Variants in ABCA8 observed in about 807,000 individuals in gnomAD.
ABCA8 encodes the protein ABC-type organic anion transporter ABCA8.
A neutral mutation model predicts 192.3 loss-of-function variants in ABCA8; 177 were observed. That is an observed-to-expected ratio of 0.92 (90% confidence interval 0.81 to 1.04). ABCA8 has a LOEUF of 1.04. ABCA8 is among the 50% of genes least tolerant of loss of function. ABCA8 has a pLI of 0.00. For synonymous variants in ABCA8, 642 were observed against 690.2 expected, an observed-to-expected ratio of 0.93 and a Z score of 1.09; for missense variants, 1,915 against 1,904.8, an observed-to-expected ratio of 1.01 and a Z score of -0.10.
chr17:68,884,567 A>G (rs1316952441), intron 27 of ABCA8, 171 bp from the exon 28 acceptor site: 3 of 1,314,996 alleles, frequency 2.3e-6, no homozygotes, highest in Non-Finnish European at 2.9e-6. Context: ...CCCAAGGTCT[A>G]TGAGCTTTTG....
At chr17:68,895,488 A>T (rs2066727647) in intron 21 of ABCA8, among the ~76,000 whole-genome samples, 2 of 152,210 alleles carry the variant, frequency 1.3e-5, no homozygotes, top group Admixed American at 1.3e-4. Context: ...AAACCAACAA[A>T]TTAAAATGTT....
In ABCA8 at chr17:68,924,716, C is replaced by T. The variant is rs147273004; in HGVS notation, c.1427G>A (p.Gly476Glu). The change falls in exon 11 of 40, where the codon GGG becomes GAG. Residue 476 changes from glycine to glutamate, a missense_variant. By Grantham distance (98) the Gly-to-Glu change is moderately conservative. Coordinates refer to ENST00000586539, the MANE Select transcript of ABCA8 (RefSeq NM_001288985.2). ...GCCTTATTACCTGATGGCTTCTTTC[C>T]CTTGGAATTCTGGAGGCGCTTGTTC... Reference protein sequence around the residue: ...SFEQAPPEFQGKEAIRIRNVT... With the variant: ...SFEQAPPEFQEKEAIRIRNVT... 2.1e-5 allele frequency: 34 copies of T among 1,613,118 alleles called. No individual in the cohort carries two copies. The African/African-American group carries it at 4.1e-4, about 20-fold the overall frequency.
intron 1 of ABCA8, among the ~76,000 whole-genome samples, chr17:68,953,736 G>A (rs550793588): frequency 6.5e-4 from 99 of 151,822 alleles, no homozygotes; most frequent in Middle Eastern, 3.4e-3. Flanking sequence ...ATCACACTCC[G>A]TATACAGACA....
At chr17:68,887,164 T>C (rs549987768) in intron 25 of ABCA8, 34 bp from the exon 26 acceptor site, 15 of 1,487,538 alleles carry the variant, frequency 1.0e-5, no homozygotes, top group Admixed American at 2.0e-5. Flanking sequence ...CTTAGTTAAA[T>C]ACAAATGCAA....
At chr17:68,944,499 AG>A (rs1225043318) in intron 2 of ABCA8, 1 of 151,568 alleles carries the variant, frequency 6.6e-6, no homozygotes, top group Non-Finnish European at 1.5e-5. Context: ...AATCCCTGTC[AG>A]CCCCACAAAA....
At chr17:68,875,439 A>G (rs548509667) in intron 36 of ABCA8, 39 bp from the exon 37 acceptor site, 29 of 1,611,088 alleles carry the variant, frequency 1.8e-5, no homozygotes, top group Non-Finnish European at 2.4e-5. Flanking sequence ...GAAAAAAAAA[A>G]CCATTCAGTA....
rs775600869 is a variant in ABCA8, at chr17:68,932,374, A to C, written c.711T>G (p.Ile237Met). 15 of 1,613,980 alleles carry C rather than the reference A, an allele frequency of 9.3e-6. No homozygotes were observed. The highest frequency in any genetic ancestry group is 5.0e-5 in the Admixed American group (3 of 60,010). The change falls in exon 7 of 40, where the codon ATT (isoleucine) becomes ATG (methionine). Residue 237 changes from isoleucine (I) to methionine (M), a missense_variant. Coordinates refer to ENST00000586539, the MANE Select transcript of ABCA8 (RefSeq NM_001288985.2). The stretch of plus-strand genomic sequence containing the variant: ...TTGTGACATTAACAGATGCATAGTA[A>C]ATGAATGAGGAAAATGAAATAATGC... ...FSCIISFSSF[I>M]YYASVNVTRE...
rs2067800173 is a variant in ABCA8, at chr17:68,929,542, A to G, written c.939+19T>C. 2 of 1,606,408 alleles carry G rather than the reference A, an allele frequency of 1.2e-6. No homozygotes were observed. Among genetic ancestry groups the G allele is most frequent in the African/African-American group, 1.3e-5 (1 of 74,416 alleles). On this transcript the variant is annotated intron_variant, in intron 8 of 39. Transcript: ENST00000586539. ...TTAGGCTATAGGTGGATGGAAAGAT[A>G]TTTAATTCACTAACTCACCAAAGAT...
intron 37 of ABCA8, among the ~76,000 whole-genome samples, chr17:68,871,178 C>T (rs1010282598): frequency 6.6e-6 from 1 of 152,088 alleles, no homozygotes; most frequent in African/African-American, 2.4e-5. Context: ...TGTGTCATAA[C>T]TTGGCAGATG....
chr17:68,920,116 T>A (rs923274713), intron 13 of ABCA8: 8 of 152,178 alleles, frequency 5.3e-5, no homozygotes, highest in Non-Finnish European at 8.8e-5. Flanking sequence ...TGGGTGGAGC[T>A]AGAGGCTATC....
At chr17:68,885,916 A>T (rs2066448553) in intron 26 of ABCA8, among the ~76,000 whole-genome samples, 1 of 152,224 alleles carries the variant, frequency 6.6e-6, no homozygotes, top group Admixed American at 6.5e-5. Flanking sequence ...CAAAAATCAA[A>T]GAAAACATTG....
chr17:68,894,195 G>C lies in ABCA8; in HGVS notation c.3014C>G (p.Thr1005Ser). 6.2e-7 allele frequency: 1 copy of C among 1,613,252 alleles called. No individual in the cohort carries two copies. The highest frequency in any genetic ancestry group is 8.5e-7 in the Non-Finnish European group (1 of 1,179,634). The change falls in exon 23 of 40, where the codon ACT becomes AGT. Residue 1005 changes from threonine to serine, a missense_variant. Thr to Ser is a moderately conservative substitution (Grantham distance 58, BLOSUM62 1). Coordinates refer to ENST00000586539, the MANE Select transcript of ABCA8 (RefSeq NM_001288985.2). ...TACCTCCAAAAATGTACTTCTTTCA[G>C]TTCGGATATGTACTGATGGTTTAAC... ...GMVKPSVHIR[T>S]ERSTFLENGQ... is the part of the protein sequence containing the mutation.
Position 68,891,596 on chromosome 17 carries a change from T to C in ABCA8, c.3037A>G (p.Asn1013Asp). 1 of 1,603,864 alleles carries C rather than the reference T, an allele frequency of 6.2e-7. No individual in the cohort carries two copies. ...AATCCGATTGGATTGTCCTGTCCAT[T>C]CTGAAAAACCCAAAGAATACAATGA... The part of the protein sequence containing the change: ...IRTERSTFLE[N>D]GQDNPIGFLA... The change falls in exon 24 of 40, where the codon AAT becomes GAT. Residue 1013 changes from asparagine to aspartate, a missense_variant and splice_region_variant. Transcript: ENST00000586539.
At position 68,877,568 on chromosome 17, in the gene ABCA8, C is replaced by T. The variant is rs112112574; in HGVS notation, c.4150G>A (p.Ala1384Thr). The T allele has an allele frequency of 1.3e-3, 2,088 of 1,613,996 alleles. 25 individuals are homozygous for T. In the African/African-American group the frequency reaches 0.024, roughly 19 times the overall value. ...LTVRQHLEVY[A>T]AVKGLRKGDA... ...CCTTTCCTCAGCCCTTTCACGGCGG[C>T]GTACACCTCCAGGTGCTGCCTCACT... The change falls in exon 33 of 40, where the codon GCC (alanine) becomes ACC (threonine). Residue 1384 changes from alanine to threonine, a missense_variant. Physicochemically the swap from Ala to Thr is moderately conservative, Grantham distance 58. Transcript: ENST00000586539.
At chr17:68,896,367 T>C (rs530628610) in intron 21 of ABCA8, among the ~76,000 whole-genome samples, 2 of 152,318 alleles carry the variant, frequency 1.3e-5, no homozygotes, top group African/African-American at 4.8e-5. Context: ...ACCATATTTA[T>C]AGTAGTGCTC....
chr17:68,939,843 C>G (rs4147962), intron 4 of ABCA8, among the ~76,000 whole-genome samples: 2 of 152,038 alleles, frequency 1.3e-5, no homozygotes, highest in Middle Eastern at 3.4e-3. Context: ...ACTAGTCACC[C>G]TACTGATCTA....
At chr17:68,872,524 A>G (rs1361895816) in intron 37 of ABCA8, among the ~76,000 whole-genome samples, 1 of 151,622 alleles carries the variant, frequency 6.6e-6, no homozygotes, top group Non-Finnish European at 1.5e-5. Flanking sequence ...ACATGTATAC[A>G]TATGTAACTA....
At position 68,867,945 on chromosome 17, in the gene ABCA8, C is replaced by T; in HGVS notation, c.*140G>A. 2 of 694,704 alleles carry T rather than the reference C, an allele frequency of 2.9e-6. No individual in the cohort carries two copies. Among genetic ancestry groups the T allele is most frequent in the Non-Finnish European group, 4.7e-6 (2 of 421,588 alleles). The allele number at this position is 694,704 out of a possible 1,614,324, so 43.0% of individuals were successfully genotyped here. On this transcript the variant is annotated 3_prime_UTR_variant, in exon 40 of 40. Coordinates refer to ENST00000586539, the MANE Select transcript of ABCA8 (RefSeq NM_001288985.2). ...ACACTGACATGGCACTTACCCAGCA[C>T]CCGAACCTCCTCCTCCCACCACACG...
chr17:68,875,731 T>C lies in ABCA8; in HGVS notation c.4373A>G (p.Gln1458Arg), dbSNP rs1384166952. ...MDPEGQQQMW[Q>R]AIRATFRNTE... ...GTTTCTAAAGGTGGCCCGGATGGCC[T>C]GCCTATAATGTCAAGAGATTATTTG... Residue 1458 changes from glutamine to arginine, a missense_variant and splice_region_variant, in exon 36 of 40, where the codon CAG becomes CGG. Gln to Arg is a conservative substitution (Grantham distance 43, BLOSUM62 1). Coordinates refer to ENST00000586539, the MANE Select transcript of ABCA8 (RefSeq NM_001288985.2). The C allele has an allele frequency of 5.0e-6, 8 of 1,611,802 alleles. 1 individual carries two copies. The Admixed American group carries it at 8.4e-5, about 17-fold the overall frequency.
Sources: gnomAD v4.1 joint callset for allele counts (sites outside exome capture counted in the v4.1 genomes callset) on GRCh38, gnomAD v4.1.1 for gene constraint, MANE v1.5 for transcripts, NCBI Gene and HGNC (gene_info 2026-07-23, HGNC 2026-07-21) for gene names.